PPFIBP2: variants seen among roughly 807,000 people sequenced by gnomAD.
PPFIBP2 encodes liprin-beta-2.
A neutral mutation model predicts 118.3 loss-of-function variants in PPFIBP2; 118 were observed. The observed-to-expected ratio is 1.00, with a 90% CI of 0.86 to 1.16. PPFIBP2 has a LOEUF of 1.16. PPFIBP2 is among the 50% of genes most tolerant of loss of function. The pLI is 0.00. For synonymous variants in PPFIBP2, 414 were observed against 397.4 expected (o/e 1.04, Z -0.50); for missense variants, 1,195 against 1,073.1 (o/e 1.11, Z -1.59).
chr11:7,664,654 G>A, the PPFIBP2 span, among the ~76,000 whole-genome samples: 297 of 152,240 alleles, frequency 2.0e-3, 2 homozygotes, highest in African/African-American at 6.8e-3. Flanking sequence ...ATCTGATAAA[G>A]TCGGCAGGAG....
intron 10 of PPFIBP2, 58 bp from the exon 11 acceptor site, chr11:7,630,867 A>T: frequency 8.0e-7 from 1 of 1,252,762 alleles, no homozygotes; most frequent in South Asian, 1.2e-5. Flanking sequence ...TTGTGGTACG[A>T]TTATAGGTTT....
chr11:7,663,899 T>C, the PPFIBP2 span, among the ~76,000 whole-genome samples: 1 of 152,054 alleles, frequency 6.6e-6, no homozygotes, highest in South Asian at 2.1e-4. Flanking sequence ...CTGGTGGGAG[T>C]GACCCGATTT....
intron 2 of PPFIBP2, among the ~76,000 whole-genome samples, chr11:7,554,271 C>A (rs1009632035): frequency 3.3e-5 from 5 of 152,150 alleles, no homozygotes; most frequent in African/African-American, 1.2e-4. Flanking sequence ...CTGGACCTCC[C>A]AAATAGTAAC....
the PPFIBP2 span, chr11:7,666,395 A>C: frequency 1.2e-5 from 14 of 1,131,678 alleles, no homozygotes; most frequent in African/African-American, 1.7e-4. Flanking sequence ...ACCAGTCCTC[A>C]AAGTGGTCAA....
chr11:7,550,897 GC>G (rs1852903035), intron 2 of PPFIBP2, among the ~76,000 whole-genome samples: 1 of 152,104 alleles, frequency 6.6e-6, no homozygotes, highest in Admixed American at 6.6e-5. Context: ...GATGCTTCCT[GC>G]CCCCAAACAT....
chr11:7,525,599 G>T (rs919607928), intron 1 of PPFIBP2, among the ~76,000 whole-genome samples: 1 of 152,138 alleles, frequency 6.6e-6, no homozygotes, highest in Non-Finnish European at 1.5e-5. Context: ...CAGGTGGCTG[G>T]TCACCCACGT....
At chr11:7,663,440 G>A in the PPFIBP2 span, among the ~76,000 whole-genome samples, 5 of 152,064 alleles carry the variant, frequency 3.3e-5, no homozygotes, top group African/African-American at 1.2e-4. Flanking sequence ...GCTGGGGGGT[G>A]CCTCCCAGTT....
intron 1 of PPFIBP2, among the ~76,000 whole-genome samples, chr11:7,518,326 C>G (rs1486778784): frequency 1.3e-5 from 2 of 152,140 alleles, no homozygotes; most frequent in Non-Finnish European, 2.9e-5. Context: ...CTCATGGCTT[C>G]AGTTACATGA....
chr11:7,593,325 T>C, intron 4 of PPFIBP2, 101 bp downstream of exon 4: 1 of 1,477,404 alleles, frequency 6.8e-7, no homozygotes, highest in East Asian at 2.4e-5. Context: ...TGTTGGAATT[T>C]TTCTCCTTCC....
At chr11:7,647,904 C>G (rs939042661) in intron 17 of PPFIBP2, among the ~76,000 whole-genome samples, 3 of 152,112 alleles carry the variant, frequency 2.0e-5, no homozygotes, top group African/African-American at 7.2e-5. Context: ...AAGTAATGTG[C>G]TAGCTGTTGT....
intron 1 of PPFIBP2, among the ~76,000 whole-genome samples, chr11:7,545,922 C>G (rs754956194): frequency 5.3e-5 from 8 of 152,170 alleles, no homozygotes; most frequent in Admixed American, 2.0e-4. Flanking sequence ...GGGGCTGAAG[C>G]TTGAGTTCAA....
the PPFIBP2 span, chr11:7,665,559 A>C: frequency 1.9e-6 from 3 of 1,591,622 alleles, no homozygotes; most frequent in Non-Finnish European, 2.6e-6. Flanking sequence ...GAAATGAAGG[A>C]GATGCAGGAG....
At chr11:7,597,269 C>T in intron 4 of PPFIBP2, 2 of 1,535,320 alleles carry the variant, frequency 1.3e-6, no homozygotes, top group African/African-American at 1.4e-5. Flanking sequence ...AGGAGTCCAG[C>T]CCAGAGGCAG....
downstream of PPFIBP2, among the ~76,000 whole-genome samples, chr11:7,654,055 G>A (rs1167571701): frequency 6.6e-6 from 1 of 152,226 alleles, no homozygotes; most frequent in Non-Finnish European, 1.5e-5. Flanking sequence ...CCTCAAAGCT[G>A]AGTGCTTTCA....
At chr11:7,605,566 A>G (rs556213980) in intron 5 of PPFIBP2, among the ~76,000 whole-genome samples, 201 of 152,356 alleles carry the variant, frequency 1.3e-3, no homozygotes, top group African/African-American at 4.6e-3. Context: ...AAGACTAACA[A>G]ATGCACATGA....
At chr11:7,551,051 A>G (rs1852925616) in intron 2 of PPFIBP2, among the ~76,000 whole-genome samples, 1 of 140,410 alleles carries the variant, frequency 7.1e-6, no homozygotes, top group African/African-American at 2.8e-5. Flanking sequence ...ATAGATATAG[A>G]TATCTATAGA....
At chr11:7,665,354 T>A in the PPFIBP2 span, 1 of 1,487,954 alleles carries the variant, frequency 6.7e-7, no homozygotes. Flanking sequence ...ACATGCAAAA[T>A]TGCTGAGCAC....
At chr11:7,614,428 C>G (rs1848406696) in intron 6 of PPFIBP2, among the ~76,000 whole-genome samples, 1 of 152,064 alleles carries the variant, frequency 6.6e-6, no homozygotes, top group African/African-American at 2.4e-5. Context: ...CTTTTTACAC[C>G]AAGTATGTTT....
chr11:7,641,526 T>G lies in PPFIBP2; in HGVS notation c.1423T>G (p.Ser475Ala). The G allele has an allele frequency of 6.2e-7, 1 of 1,613,752 alleles. No individual in the cohort carries two copies. Among genetic ancestry groups the G allele is most frequent in the Non-Finnish European group, 8.5e-7 (1 of 1,179,602 alleles). The change falls in exon 16 of 24, where the codon TCA becomes GCA. Residue 475 changes from serine (S) to alanine (A), a missense_variant. By Grantham distance (99) the Ser-to-Ala change is moderately conservative. Coordinates refer to ENST00000299492, the MANE Select transcript of PPFIBP2 (RefSeq NM_003621.5). ...WDDTAVVNDL[S>A]STSSGTESGP... ...CGACACTGCTGTGGTCAATGACCTC[T>G]CATCCACATCATCGGGCACTGAATC...
Sources: allele counts gnomAD v4.1 joint callset (sites outside exome capture counted in the v4.1 genomes callset), GRCh38; gene constraint gnomAD v4.1.1; transcripts MANE v1.5; gene names NCBI Gene and HGNC (gene_info 2026-07-23, HGNC 2026-07-21).